GSDME: variants seen among roughly 807,000 people sequenced by gnomAD.
GSDME encodes gasdermin-E.
A neutral mutation model predicts 47.5 loss-of-function variants in GSDME; 44 were observed. The observed-to-expected ratio is 0.93, with a 90% CI of 0.73 to 1.19. GSDME has a LOEUF of 1.19. Ranked by LOEUF, GSDME falls within the 50% of genes most tolerant of loss-of-function variation. GSDME has a pLI of 0.00. For synonymous variants in GSDME, 258 were observed against 252.8 expected (o/e 1.02, Z -0.20); for missense variants, 663 against 604.2 (o/e 1.10, Z -1.02).
the GSDME span, among the ~76,000 whole-genome samples, chr7:24,788,215 A>G: frequency 6.6e-6 from 1 of 152,206 alleles, no homozygotes; most frequent in African/African-American, 2.4e-5. This position sits in a 1 kb window ranked among gnomAD's most constrained non-coding sequence, Gnocchi z 4.6. Flanking sequence ...CCAGGGACTG[A>G]GCCCTAAGAA....
At chr7:24,702,708 A>C (rs751725613) in intron 9 of GSDME, 52 bp downstream of exon 9, 1 of 1,504,686 alleles carries the variant, frequency 6.6e-7, no homozygotes, top group South Asian at 1.1e-5. Flanking sequence ...CTACCCCCTC[A>C]TCATTTCCCC....
intron 7 of GSDME, among the ~76,000 whole-genome samples, chr7:24,706,753 G>T (rs865861244): frequency 9.2e-5 from 14 of 152,314 alleles, no homozygotes; most frequent in Middle Eastern, 6.8e-3. Context: ...CCAGCCCCCG[G>T]CCACATTCCC....
upstream of GSDME, among the ~76,000 whole-genome samples, chr7:24,760,595 A>C (rs1791152169): frequency 6.6e-6 from 1 of 152,252 alleles, no homozygotes; most frequent in South Asian, 2.1e-4. The surrounding 1 kb of genome is among the most constrained non-coding windows in gnomAD (Gnocchi z 4.2). Context: ...TTTCAGCTAA[A>C]GTTGCCTTTA....
intron 7 of GSDME, among the ~76,000 whole-genome samples, chr7:24,706,580 C>T (rs1009658768): frequency 5.3e-5 from 8 of 152,226 alleles, no homozygotes; most frequent in East Asian, 1.9e-4. Flanking sequence ...ACCTGGCCCA[C>T]GAGGGTTGGG....
At chr7:24,717,904 A>T (rs1423554958) in intron 4 of GSDME, among the ~76,000 whole-genome samples, 1 of 152,186 alleles carries the variant, frequency 6.6e-6, no homozygotes, top group Non-Finnish European at 1.5e-5. Flanking sequence ...GTCAGGCACC[A>T]AGCTCCTGCC....
chr7:24,725,217 A>C lies in GSDME; in HGVS notation c.405-5999T>G, dbSNP rs1009512386. Among the ~76,000 whole-genome samples the C allele has an allele frequency of 6.6e-6, 1 of 152,198 alleles. No individual in the cohort carries two copies. The highest frequency in any genetic ancestry group is 1.5e-5 in the Non-Finnish European group (1 of 68,026). On this transcript the variant is annotated intron_variant, in intron 3 of 9. Coordinates refer to ENST00000645220, the MANE Select transcript of GSDME (RefSeq NM_001127453.2). The surrounding 1 kb of genome is among the most constrained non-coding windows in gnomAD (Gnocchi z 5.1). ...CCTGAAGCTTAGTTTGCACATCTGT[A>C]AACTGAGAATTTGCTATGAGGGTTA...
In GSDME at chr7:24,735,455, A is replaced by C. The variant is rs993126508; in HGVS notation, c.404+9107T>G. On this transcript the variant is annotated intron_variant, in intron 3 of 9. Coordinates refer to ENST00000645220, the MANE Select transcript of GSDME (RefSeq NM_001127453.2). This position sits in a 1 kb window ranked among gnomAD's most constrained non-coding sequence, Gnocchi z 4.4. ...AGCAGAAAGACAAAAAGATGAACCAATTAAAAATAGTAACTACAGGGCCGG... is the reference window on the plus strand; with the variant it reads ...AGCAGAAAGACAAAAAGATGAACCACTTAAAAATAGTAACTACAGGGCCGG... 1.3e-5 allele frequency among the ~76,000 whole-genome samples: 2 copies of C among 152,180 alleles called. No homozygotes were observed. Among genetic ancestry groups the C allele is most frequent in the African/African-American group, 4.8e-5 (2 of 41,452 alleles).
At chr7:24,699,412 G>A (rs1023673675) in intron 9 of GSDME, among the ~76,000 whole-genome samples, 153 bp from the exon 10 acceptor site, 1 of 152,080 alleles carries the variant, frequency 6.6e-6, no homozygotes, top group African/African-American at 2.4e-5. Context: ...GCGTGATCTC[G>A]GCTCACTGCA....
chr7:24,709,542 A>C lies in GSDME; in HGVS notation c.862+682T>G, dbSNP rs556224495. On this transcript the variant is annotated intron_variant, in intron 6 of 9. Coordinates refer to ENST00000645220, the MANE Select transcript of GSDME (RefSeq NM_001127453.2). ...ACCAGGGCTTCTGTGCTTACCCTCC[A>C]AGCCAGCGCGCACACGGAGCGGTTC... is the stretch of plus-strand genomic sequence containing the variant. Among the ~76,000 whole-genome samples the C allele has an allele frequency of 1.4e-4, 21 of 152,272 alleles. No individual in the cohort carries two copies. In the South Asian group the frequency reaches 4.2e-3, roughly 30 times the overall value.
the GSDME span, among the ~76,000 whole-genome samples, chr7:24,786,103 A>G: frequency 6.6e-6 from 1 of 152,328 alleles, no homozygotes; most frequent in East Asian, 1.9e-4. This position sits in a 1 kb window ranked among gnomAD's most constrained non-coding sequence, Gnocchi z 5.5. Context: ...TGGGGATCAT[A>G]GAGTGGCAGT....
intron 3 of GSDME, among the ~76,000 whole-genome samples, chr7:24,719,528 C>T (rs1215301119): frequency 2.6e-5 from 4 of 152,174 alleles, no homozygotes; most frequent in South Asian, 4.1e-4. Flanking sequence ...CGTGGTGGCT[C>T]ACACCTGTAA....
Position 24,716,721 on chromosome 7 carries a change from G to T in GSDME, c.697+533C>A, listed in dbSNP as rs1313996586. The T allele has an allele frequency of 5.9e-6, 1 of 170,784 alleles. No homozygotes were observed. The highest frequency in any genetic ancestry group is 2.4e-5 in the African/African-American group (1 of 42,124). The allele number at this position is 170,784 out of a possible 1,614,324, so 10.6% of individuals were successfully genotyped here. On this transcript the variant is annotated intron_variant, in intron 5 of 9. Transcript: ENST00000645220. The surrounding 1 kb of genome is among the most constrained non-coding windows in gnomAD (Gnocchi z 4.5). ...CTTCATACTTGTGGAGAGGAGGTGG[G>T]GTAACAATAATGATGATAATGCTAT...
the GSDME span, among the ~76,000 whole-genome samples, chr7:24,779,208 G>A: frequency 3.9e-5 from 6 of 152,250 alleles, no homozygotes; most frequent in Non-Finnish European, 8.8e-5. This position sits in a 1 kb window ranked among gnomAD's most constrained non-coding sequence, Gnocchi z 6.0. Flanking sequence ...TATCTAGAAA[G>A]AAATTAGGCA....
At chr7:24,747,861 G>T (rs1790717950) in intron 2 of GSDME, among the ~76,000 whole-genome samples, 1 of 151,752 alleles carries the variant, frequency 6.6e-6, no homozygotes, top group Non-Finnish European at 1.5e-5. Flanking sequence ...TAGAGATGGG[G>T]TTTGCCACGT....
At chr7:24,747,430 G>C (rs962920066) in intron 2 of GSDME, among the ~76,000 whole-genome samples, 1 of 152,162 alleles carries the variant, frequency 6.6e-6, no homozygotes, top group Admixed American at 6.5e-5. Flanking sequence ...CACAAAATTA[G>C]AGAATTCTAG....
Position 24,742,874 on chromosome 7 carries a change from T to G in GSDME, c.404+1688A>C, listed in dbSNP as rs1790535030. ...TCTAGTGTGTCCCAACAATTGCAGT[T>G]GAGAAGGAAAATGGGACTCTAGCAA... On this transcript the variant is annotated intron_variant, in intron 3 of 9. Coordinates refer to ENST00000645220, the MANE Select transcript of GSDME (RefSeq NM_001127453.2). This position sits in a 1 kb window ranked among gnomAD's most constrained non-coding sequence, Gnocchi z 4.4. 6.6e-6 allele frequency among the ~76,000 whole-genome samples: 1 copy of G among 152,150 alleles called. No individual in the cohort carries two copies. Among genetic ancestry groups the G allele is most frequent in the Non-Finnish European group, 1.5e-5 (1 of 68,024 alleles).
chr7:24,794,879 T>C, the GSDME span, among the ~76,000 whole-genome samples: 1 of 152,122 alleles, frequency 6.6e-6, no homozygotes, highest in Admixed American at 6.5e-5. Context: ...GATAAGGAGT[T>C]ACTCATTCAT....
chr7:24,779,428 G>T, the GSDME span, among the ~76,000 whole-genome samples: 1 of 151,886 alleles, frequency 6.6e-6, no homozygotes, highest in Non-Finnish European at 1.5e-5. This position sits in a 1 kb window ranked among gnomAD's most constrained non-coding sequence, Gnocchi z 6.0. Flanking sequence ...GTCTCTGGAG[G>T]CCCAGGAGTA....
chr7:24,708,244 G>T lies in GSDME; in HGVS notation c.873C>A (p.Leu291=). ...PLSVLKQATL[L]LERNFHPFAE... is the part of the protein sequence containing the mutation. Reference sequence around the variant, plus strand: ...CAAATGGATGGAAATTCCTCTCCAGGAGCAGGGTCGCTGTGAAAACAAAGC... The same window carrying T: ...CAAATGGATGGAAATTCCTCTCCAGTAGCAGGGTCGCTGTGAAAACAAAGC... The change falls in exon 7 of 10, where the codon CTC becomes CTA. Residue 291 remains leucine (L), a synonymous_variant. Coordinates refer to ENST00000645220, the MANE Select transcript of GSDME (RefSeq NM_001127453.2). 1.9e-6 allele frequency: 3 copies of T among 1,614,132 alleles called. No homozygotes were observed. The highest frequency in any genetic ancestry group is 2.5e-6 in the Non-Finnish European group (3 of 1,180,044).
Sources: gnomAD v4.1 joint callset for allele counts (sites outside exome capture counted in the v4.1 genomes callset) on GRCh38, gnomAD v4.1.1 for gene constraint, Gnocchi (gnomAD v3.1) non-coding constraint, MANE v1.5 for transcripts, NCBI Gene and HGNC (gene_info 2026-07-23, HGNC 2026-07-21) for gene names.